Variants in GABRG1 observed in about 807,000 individuals in gnomAD.
GABRG1 encodes gamma-aminobutyric acid receptor subunit gamma-1.
In GABRG1, 49 loss-of-function variants were observed where a neutral mutation model predicts 49.8. The observed-to-expected ratio is 0.98, with a 90% CI of 0.78 to 1.25. The LOEUF is 1.25. Among genes scored for constraint, GABRG1 ranks in the 50% most tolerant of loss-of-function variants. The pLI is 0.00. For synonymous variants in GABRG1, 232 were observed against 185.1 expected, an observed-to-expected ratio of 1.25 and a Z score of -2.06; for missense variants, 552 against 552.3, an observed-to-expected ratio of 1.00 and a Z score of 0.01.
At chr4:46,058,092 T>G in intron 7 of GABRG1, 125 bp downstream of exon 7, 1 of 792,144 alleles carries the variant, frequency 1.3e-6, no homozygotes, top group East Asian at 2.7e-5. Context: ...CCTTAGTTCC[T>G]GTCAATTTTT....
At chr4:46,067,246 A>G (rs1194461541) in intron 3 of GABRG1, among the ~76,000 whole-genome samples, 1 of 152,130 alleles carries the variant, frequency 6.6e-6, no homozygotes, top group Admixed American at 6.6e-5. Context: ...ATATAAAAAT[A>G]AATTGAGAAG....
chr4:46,046,765 C>T (rs1219975317), intron 8 of GABRG1, among the ~76,000 whole-genome samples: 1 of 152,030 alleles, frequency 6.6e-6, no homozygotes, highest in Non-Finnish European at 1.5e-5. Context: ...ACTTCTGGAA[C>T]AACTGCAATA....
intron 8 of GABRG1, among the ~76,000 whole-genome samples, chr4:46,045,980 A>C (rs1419364369): frequency 6.6e-6 from 1 of 152,146 alleles, no homozygotes; most frequent in Admixed American, 6.6e-5. Flanking sequence ...TTGGTACAGT[A>C]AGAATCAGAA....
chr4:46,099,958 A>T (rs981510080), intron 1 of GABRG1, among the ~76,000 whole-genome samples: 4 of 151,700 alleles, frequency 2.6e-5, no homozygotes, highest in African/African-American at 9.7e-5. Flanking sequence ...CCAATTTGAG[A>T]TACGTTTATA....
intron 2 of GABRG1, among the ~76,000 whole-genome samples, chr4:46,093,394 T>C (rs1038570165): frequency 3.9e-5 from 6 of 151,904 alleles, no homozygotes; most frequent in African/African-American, 7.2e-5. Context: ...TTTGTAGGGG[T>C]TGAAAATCAA....
rs376780739 is a variant in GABRG1 at position 46,058,475 on chromosome 4, T to C, written c.763+10A>G. The stretch of plus-strand genomic sequence containing the variant: ...CTAGCATCATTTCACTATTTGAGTA[T>C]TCTTTTTACCAGAGATCGTGTGAGT... On this transcript the variant is annotated intron_variant, in intron 6 of 8. Coordinates refer to ENST00000295452, the MANE Select transcript of GABRG1 (RefSeq NM_173536.4). 2.5e-6 allele frequency: 4 copies of C among 1,610,884 alleles called. No homozygotes were observed. The highest frequency in any genetic ancestry group is 1.1e-5 in the South Asian group (1 of 90,472).
intron 8 of GABRG1, among the ~76,000 whole-genome samples, chr4:46,050,368 G>A (rs1253975239): frequency 6.6e-6 from 1 of 151,724 alleles, no homozygotes; most frequent in Non-Finnish European, 1.5e-5. Context: ...TAACTTAAAA[G>A]TATAGCAGAG....
chr4:46,079,285 T>C (rs1200541550), intron 3 of GABRG1, among the ~76,000 whole-genome samples: 3 of 151,788 alleles, frequency 2.0e-5, no homozygotes, highest in Non-Finnish European at 2.9e-5. Context: ...CCAGGTGACT[T>C]CCCAGCTCCT....
At chr4:46,095,867 T>A (rs1720148561) in intron 2 of GABRG1, among the ~76,000 whole-genome samples, 1 of 151,868 alleles carries the variant, frequency 6.6e-6, no homozygotes, top group South Asian at 2.1e-4. Flanking sequence ...GAAGGTTTGT[T>A]ACGTAAGTGA....
At chr4:46,058,793 A>G (rs1162952805) in intron 5 of GABRG1, among the ~76,000 whole-genome samples, 171 bp from the exon 6 acceptor site, 1 of 152,132 alleles carries the variant, frequency 6.6e-6, no homozygotes, top group Non-Finnish European at 1.5e-5. Flanking sequence ...TTAATGACTA[A>G]TCATACATGG....
At position 46,097,328 on chromosome 4, in the gene GABRG1, T is replaced by C; in HGVS notation, c.126A>G (p.Glu42=). 6.2e-7 allele frequency: 1 copy of C among 1,608,956 alleles called. No individual in the cohort carries two copies. The highest frequency in any genetic ancestry group is 8.5e-7 in the Non-Finnish European group (1 of 1,177,244). Residue 42 remains glutamate, a synonymous_variant, in exon 2 of 9, where the codon GAA becomes GAG. Coordinates refer to ENST00000295452, the MANE Select transcript of GABRG1 (RefSeq NM_173536.4). ...LGNCVDKADD[E]DDEDLTVNKT... ...TGTTCACCGTTAAATCCTCATCATCTTCATCATCTGCCTTATCAACACTAA... is the reference window on the plus strand; with the variant it reads ...TGTTCACCGTTAAATCCTCATCATCCTCATCATCTGCCTTATCAACACTAA...
chr4:46,089,642 T>C (rs1410628765), intron 2 of GABRG1, among the ~76,000 whole-genome samples: 3 of 152,172 alleles, frequency 2.0e-5, no homozygotes, highest in South Asian at 4.1e-4. Flanking sequence ...TGGAAAGTCA[T>C]AGAATCTACT....
rs1462080877 is a variant in GABRG1, at chr4:46,065,331, G to A, written c.542+33C>T. 2.2e-6 allele frequency: 3 copies of A among 1,368,078 alleles called. No homozygotes were observed. In the South Asian group the frequency reaches 3.9e-5, roughly 18 times the overall value. 84.7% of individuals were successfully genotyped at this position (1,368,078 alleles called of 1,614,324 possible). ...TTAAATATTAGTATGGAAAATAAAT[G>A]AGAGCAACTACAGATTTTTAAACCA... On this transcript the variant is annotated intron_variant, in intron 4 of 8. Transcript: ENST00000295452.
chr4:46,117,683 C>A (rs13147754), intron 1 of GABRG1, among the ~76,000 whole-genome samples: 1 of 141,444 alleles, frequency 7.1e-6, no homozygotes, highest in South Asian at 2.2e-4. Flanking sequence ...TATATATATA[C>A]ACATGTATAT....
At chr4:46,058,718 T>C (rs376078349) in intron 5 of GABRG1, 96 bp from the exon 6 acceptor site, 3 of 895,762 alleles carry the variant, frequency 3.3e-6, no homozygotes, top group Admixed American at 2.6e-5. Context: ...CTTTCTCCTC[T>C]TTTTTTATTA....
Position 46,051,610 on chromosome 4 carries a change from G to C in GABRG1, c.945C>G (p.Thr315=). Residue 315 remains threonine, a synonymous_variant, in exon 8 of 9, where the codon ACC becomes ACG. Coordinates refer to ENST00000295452, the MANE Select transcript of GABRG1 (RefSeq NM_173536.4). ...AAGACTTCCTGGCAATTGTACTCAG[G>C]GTTGTCATAGTCAGAACTGTAGTGA... The part of the protein sequence containing the change: ...LGITTVLTMT[T]LSTIARKSLP... 1 of 1,609,922 alleles carries C rather than the reference G, an allele frequency of 6.2e-7. No homozygotes were observed. The highest frequency in any genetic ancestry group is 8.5e-7 in the Non-Finnish European group (1 of 1,177,138).
At chr4:46,075,865 A>T (rs1330119416) in intron 3 of GABRG1, among the ~76,000 whole-genome samples, 1 of 152,082 alleles carries the variant, frequency 6.6e-6, no homozygotes, top group Non-Finnish European at 1.5e-5. Flanking sequence ...AGAAAGATAA[A>T]TACAAATATT....
chr4:46,060,438 C>A (rs560521719), intron 5 of GABRG1, among the ~76,000 whole-genome samples: 112 of 152,248 alleles, frequency 7.4e-4, no homozygotes, highest in African/African-American at 1.9e-3. Flanking sequence ...AGGTCAAAAT[C>A]GGCTGCAACT....
At chr4:46,079,963 A>G (rs1419364926) in intron 3 of GABRG1, among the ~76,000 whole-genome samples, 1 of 151,936 alleles carries the variant, frequency 6.6e-6, no homozygotes, top group African/African-American at 2.4e-5. Flanking sequence ...TATTGAAGAT[A>G]GTTATAATCA....
Sources: gnomAD v4.1 joint callset for allele counts (sites outside exome capture counted in the v4.1 genomes callset) on GRCh38, gnomAD v4.1.1 for gene constraint, MANE v1.5 for transcripts, NCBI Gene and HGNC (gene_info 2026-07-23, HGNC 2026-07-21) for gene names.